The following ZNF804A variants were observed in gnomAD, a reference collection of about 807,000 sequenced individuals.
ZNF804A encodes the protein zinc finger protein 804A.
In ZNF804A, 2 loss-of-function variants were observed where a neutral mutation model predicts 16.5. The ratio of observed to expected loss-of-function variants is 0.12; its 90% CI spans 0.05 to 0.38. The LOEUF (loss-of-function observed/expected upper bound fraction) is 0.38, where lower values mean the gene tolerates loss of function less well. ZNF804A is among the 10% of genes least tolerant of loss of function. The pLI, the probability that ZNF804A is intolerant of heterozygous loss-of-function variation, is 0.99. For synonymous variants in ZNF804A, 534 were observed against 489.6 expected (o/e 1.09, Z -1.20); for missense variants, 1,473 against 1,390.7 (o/e 1.06, Z -0.94).
At chr2:184,641,916 C>T (rs910207741) in intron 1 of ZNF804A, among the ~76,000 whole-genome samples, 1 of 152,252 alleles carries the variant, frequency 6.6e-6, no homozygotes, top group Admixed American at 6.5e-5. Flanking sequence ...TTTGTCCTAA[C>T]AGCTTTGTTA....
At chr2:184,700,361 A>G (rs1574169200) in intron 1 of ZNF804A, among the ~76,000 whole-genome samples, 1 of 152,078 alleles carries the variant, frequency 6.6e-6, no homozygotes, top group Non-Finnish European at 1.5e-5. Context: ...ATTTTTGTGT[A>G]AAAACTGGTT....
intron 1 of ZNF804A, among the ~76,000 whole-genome samples, chr2:184,791,476 A>G (rs915756072): frequency 2.0e-5 from 3 of 152,158 alleles, no homozygotes; most frequent in Non-Finnish European, 1.5e-5. Flanking sequence ...AGAGGCTAAT[A>G]ATAAGCTCCC....
chr2:184,682,034 A>G (rs927046700), intron 1 of ZNF804A, among the ~76,000 whole-genome samples: 3 of 152,214 alleles, frequency 2.0e-5, no homozygotes, highest in African/African-American at 7.2e-5. Flanking sequence ...CTGCCGCCTC[A>G]GCCCCCTCTG....
In ZNF804A at chr2:184,721,065, C is replaced by A. The variant is rs558147130; in HGVS notation, c.111+121995C>A. On this transcript the variant is annotated intron_variant, in intron 1 of 3. Transcript: ENST00000302277. ...ATATACAGAATAATAAATCTGGACTCCTATTTCTGATCATATACAAATATC... is the reference window on the plus strand; with the variant it reads ...ATATACAGAATAATAAATCTGGACTACTATTTCTGATCATATACAAATATC... 3.3e-5 allele frequency among the ~76,000 whole-genome samples: 5 copies of A among 152,194 alleles called. No homozygotes were observed. The South Asian group carries it at 1.0e-3, about 32-fold the overall frequency.
intron 1 of ZNF804A, among the ~76,000 whole-genome samples, chr2:184,681,690 G>A (rs1485901179): frequency 6.6e-6 from 1 of 152,194 alleles, no homozygotes; most frequent in East Asian, 1.9e-4. Flanking sequence ...CTTCAACAGG[G>A]GAAGTGCAGC....
intron 3 of ZNF804A, among the ~76,000 whole-genome samples, chr2:184,935,253 C>A (rs935011522): frequency 2.6e-5 from 4 of 152,102 alleles, no homozygotes; most frequent in Non-Finnish European, 2.9e-5. Context: ...AAAGCTAGTA[C>A]TATCTCTTAG....
In ZNF804A at chr2:184,793,442, T is replaced by G. The variant is rs575648996; in HGVS notation, c.112-72927T>G. Among the ~76,000 whole-genome samples, 6 of 152,210 alleles carry G rather than the reference T, an allele frequency of 3.9e-5. No homozygotes were observed. In the South Asian group the frequency reaches 1.2e-3, roughly 32 times the overall value. On this transcript the variant is annotated intron_variant, in intron 1 of 3. Coordinates refer to ENST00000302277, the MANE Select transcript of ZNF804A (RefSeq NM_194250.2). The stretch of plus-strand genomic sequence containing the variant: ...TGCAACCTCTCCAGCATCTGTTGTT[T>G]TGACTAGTTAATGATAGCCACTCTG...
At chr2:184,745,035 T>C (rs1236298145) in intron 1 of ZNF804A, among the ~76,000 whole-genome samples, 1 of 151,812 alleles carries the variant, frequency 6.6e-6, no homozygotes, top group Non-Finnish European at 1.5e-5. Context: ...TGGTTAAAAG[T>C]GCCTTTTAAA....
At chr2:184,684,371 G>GT (rs1319513973) in intron 1 of ZNF804A, among the ~76,000 whole-genome samples, 1 of 152,216 alleles carries the variant, frequency 6.6e-6, no homozygotes, top group East Asian at 1.9e-4. Flanking sequence ...TAACTACCCA[G>GT]TTAGTACAGC....
At chr2:184,810,395 TA>T (rs1694873591) in intron 1 of ZNF804A, among the ~76,000 whole-genome samples, 8 of 152,114 alleles carry the variant, frequency 5.3e-5, no homozygotes, top group Admixed American at 5.2e-4. Flanking sequence ...ATCATGTACT[TA>T]TTTTTTTAGA....
At position 184,729,564 on chromosome 2, in the gene ZNF804A, T is replaced by A. The variant is rs187803865; in HGVS notation, c.111+130494T>A. On this transcript the variant is annotated intron_variant, in intron 1 of 3. Coordinates refer to ENST00000302277, the MANE Select transcript of ZNF804A (RefSeq NM_194250.2). ...TATCTCTTGTAAGCCAATTTACTCA[T>A]CCAAAGTAATCTGAAAATCATATTG... Among the ~76,000 whole-genome samples the A allele has an allele frequency of 8.5e-5, 13 of 152,166 alleles. No homozygotes were observed. The East Asian group carries it at 2.5e-3, about 29-fold the overall frequency.
intron 2 of ZNF804A, among the ~76,000 whole-genome samples, chr2:184,885,336 T>A (rs1030268037): frequency 1.3e-5 from 2 of 152,232 alleles, no homozygotes; most frequent in African/African-American, 4.8e-5. Flanking sequence ...TTTTCACTAT[T>A]GGGTATACAC....
intron 1 of ZNF804A, among the ~76,000 whole-genome samples, chr2:184,637,988 T>C (rs1574141830): frequency 1.3e-5 from 2 of 152,170 alleles, no homozygotes; most frequent in East Asian, 3.8e-4. Context: ...AGGTATATTC[T>C]CAGTCAGTTA....
intron 1 of ZNF804A, among the ~76,000 whole-genome samples, chr2:184,736,859 T>C (rs1693622826): frequency 7.2e-6 from 1 of 139,418 alleles, no homozygotes; most frequent in South Asian, 2.2e-4. Flanking sequence ...GTATTTCTTC[T>C]TTTTTTTTTT....
At chr2:184,739,119 G>C (rs1341444230) in intron 1 of ZNF804A, among the ~76,000 whole-genome samples, 1 of 152,114 alleles carries the variant, frequency 6.6e-6, no homozygotes, top group South Asian at 2.1e-4. Context: ...TAGCTCCCAT[G>C]ATTATTTTGG....
chr2:184,731,427 G>A (rs552346478), intron 1 of ZNF804A, among the ~76,000 whole-genome samples: 50 of 151,990 alleles, frequency 3.3e-4, no homozygotes, highest in Non-Finnish European at 5.6e-4. Context: ...TTGGCCATTC[G>A]AATAGATATG....
At chr2:184,886,900 C>A (rs1017120801) in intron 2 of ZNF804A, among the ~76,000 whole-genome samples, 25 of 152,306 alleles carry the variant, frequency 1.6e-4, no homozygotes, top group African/African-American at 6.0e-4. Context: ...CTGACATGGC[C>A]TGGAGATATT....
At chr2:184,737,275 G>A (rs7578333) in intron 1 of ZNF804A, among the ~76,000 whole-genome samples, 50,766 of 151,386 alleles carry the variant, frequency 0.34, 11,839 homozygotes, top group African/African-American at 0.67. Context: ...GGTAGCCAGG[G>A]TGGCCTCTAT....
chr2:184,841,802 G>C (rs2105800091), intron 1 of ZNF804A, among the ~76,000 whole-genome samples: 1 of 151,394 alleles, frequency 6.6e-6, no homozygotes, highest in Admixed American at 6.6e-5. Context: ...TTTTTTTTAG[G>C]GTACTATTTA....
Sources: allele counts gnomAD v4.1 joint callset (sites outside exome capture counted in the v4.1 genomes callset), GRCh38; gene constraint gnomAD v4.1.1; transcripts MANE v1.5; gene names NCBI Gene and HGNC (gene_info 2026-07-23, HGNC 2026-07-21).